KIF26B: variants seen among roughly 807,000 people sequenced by gnomAD.
KIF26B encodes kinesin-like protein KIF26B.
A neutral mutation model predicts 151.2 loss-of-function variants in KIF26B; 63 were observed. The ratio of observed to expected loss-of-function variants is 0.42; its 90% CI spans 0.34 to 0.51. The LOEUF (loss-of-function observed/expected upper bound fraction) is 0.51, where lower values mean the gene tolerates loss of function less well. KIF26B is among the 20% of genes least tolerant of loss of function. The pLI is 0.07. For synonymous variants in KIF26B, 1,357 were observed against 1,262.1 expected (o/e 1.08, Z -1.59); for missense variants, 2,813 against 2,913.6 (o/e 0.97, Z 0.79).
chr1:245,430,468 C>T (rs748842646), intron 4 of KIF26B, among the ~76,000 whole-genome samples: 1 of 151,936 alleles, frequency 6.6e-6, no homozygotes, highest in Non-Finnish European at 1.5e-5. Context: ...AGTTCAAGAC[C>T]AGCCTGGGCA....
chr1:245,314,188 T>G (rs1006714350), intron 2 of KIF26B, among the ~76,000 whole-genome samples: 1 of 152,014 alleles, frequency 6.6e-6, no homozygotes, highest in Non-Finnish European at 1.5e-5. Context: ...TGACTCACAC[T>G]TGTAATCCCA....
intron 3 of KIF26B, among the ~76,000 whole-genome samples, chr1:245,386,758 T>C (rs768870298): frequency 6.6e-6 from 1 of 152,244 alleles, no homozygotes; most frequent in Non-Finnish European, 1.5e-5. Flanking sequence ...TCACCACTTA[T>C]TTTGTCACTC....
At chr1:245,188,953 C>G (rs1403461170) in intron 2 of KIF26B, among the ~76,000 whole-genome samples, 2 of 152,278 alleles carry the variant, frequency 1.3e-5, no homozygotes, top group East Asian at 3.9e-4. Context: ...AAGCCAGTCA[C>G]AAAGGACAAA....
At chr1:245,567,645 TC>T (rs1301202074) in intron 5 of KIF26B, among the ~76,000 whole-genome samples, 2 of 152,022 alleles carry the variant, frequency 1.3e-5, no homozygotes, top group South Asian at 4.2e-4. Context: ...ACCATGCTGC[TC>T]CCCCAGTGGC....
chr1:245,358,242 A>G lies in KIF26B; in HGVS notation c.466-8592A>G, dbSNP rs184574053. 6.6e-6 allele frequency among the ~76,000 whole-genome samples: 1 copy of G among 152,310 alleles called. No homozygotes were observed. The highest frequency in any genetic ancestry group is 1.9e-4 in the East Asian group (1 of 5,176). Reference sequence around the variant, plus strand: ...TTTAAAAACAATGGCAACACCACCAAATTTTAGGTATTTAATCTTTTTGTA... The same window carrying G: ...TTTAAAAACAATGGCAACACCACCAGATTTTAGGTATTTAATCTTTTTGTA... On this transcript the variant is annotated intron_variant, in intron 2 of 14. Coordinates refer to ENST00000407071, the MANE Select transcript of KIF26B (RefSeq NM_018012.4). This position sits in a 1 kb window ranked among gnomAD's most constrained non-coding sequence, Gnocchi z 4.1.
chr1:245,446,380 AGG>A (rs1464389442), intron 4 of KIF26B, among the ~76,000 whole-genome samples: 2 of 152,190 alleles, frequency 1.3e-5, no homozygotes, highest in Admixed American at 1.3e-4. Context: ...CTTCTATACA[AGG>A]AGTTTGGATA....
In KIF26B at chr1:245,155,475, C is replaced by T. The variant is rs1668412938; in HGVS notation, c.51C>T (p.Gly17=). The change falls in exon 1 of 15, where the codon GGC becomes GGT. Residue 17 remains glycine (G), a synonymous_variant. Coordinates refer to ENST00000407071, the MANE Select transcript of KIF26B (RefSeq NM_018012.4). ...NKERLAVSTR[G]KKYGVNEVCS... ...AGAGGCTTGCGGTCTCCACCAGGGG[C>T]AAGAAATACGGGGTAAGTTGTGACG... is the stretch of plus-strand genomic sequence containing the variant. 1.2e-6 allele frequency: 2 copies of T among 1,611,390 alleles called. No homozygotes were observed. Among genetic ancestry groups the T allele is most frequent in the African/African-American group, 1.3e-5 (1 of 74,886 alleles).
At chr1:245,636,847 G>A (rs1408400908) in intron 9 of KIF26B, among the ~76,000 whole-genome samples, 1 of 144,648 alleles carries the variant, frequency 6.9e-6, no homozygotes, top group African/African-American at 2.6e-5. Context: ...TTTTATGGCT[G>A]AATAATATTC....
intron 3 of KIF26B, among the ~76,000 whole-genome samples, chr1:245,399,157 C>G (rs966647233): frequency 1.3e-5 from 2 of 152,138 alleles, no homozygotes; most frequent in Non-Finnish European, 2.9e-5. Flanking sequence ...ATTTCGTTGT[C>G]GTGTCTCTTT....
chr1:245,470,449 G>T (rs1208851385), intron 4 of KIF26B, among the ~76,000 whole-genome samples: 2 of 151,968 alleles, frequency 1.3e-5, no homozygotes, highest in Non-Finnish European at 2.9e-5. Context: ...TTTTGTTTTT[G>T]AGATGGAGTC....
intron 2 of KIF26B, among the ~76,000 whole-genome samples, chr1:245,283,715 TCTCA>T (rs1671108844): frequency 7.2e-6 from 1 of 138,308 alleles, no homozygotes; most frequent in African/African-American, 2.8e-5. Flanking sequence ...TGAGGCGGAC[TCTCA>T]CTCTGTCGCC....
intron 2 of KIF26B, among the ~76,000 whole-genome samples, chr1:245,275,686 A>G (rs1426432647): frequency 6.6e-6 from 1 of 152,072 alleles, no homozygotes; most frequent in African/African-American, 2.4e-5. Context: ...AGTGATTTAA[A>G]CACTACTGTT....
chr1:245,579,065 C>G (rs2043150741), intron 5 of KIF26B, among the ~76,000 whole-genome samples: 1 of 152,144 alleles, frequency 6.6e-6, no homozygotes, highest in Admixed American at 6.5e-5. Flanking sequence ...CTTTTCCTGT[C>G]CTGTTTCCTT....
At chr1:245,524,270 G>A (rs1661190991) in intron 4 of KIF26B, among the ~76,000 whole-genome samples, 2 of 152,118 alleles carry the variant, frequency 1.3e-5, no homozygotes, top group Admixed American at 1.3e-4. Flanking sequence ...CATACCTTAC[G>A]CCCTTTATTC....
chr1:245,263,503 C>A (rs181863617), intron 2 of KIF26B, among the ~76,000 whole-genome samples: 1 of 152,142 alleles, frequency 6.6e-6, no homozygotes, highest in African/African-American at 2.4e-5. Flanking sequence ...CAAAGAGATA[C>A]GCAGATACAT....
rs1019872541 is a variant in KIF26B, at chr1:245,540,331, T to C, written c.1167-436T>C. Among the ~76,000 whole-genome samples the C allele has an allele frequency of 2.0e-5, 3 of 152,214 alleles. No homozygotes were observed. The highest frequency in any genetic ancestry group is 4.4e-5 in the Non-Finnish European group (3 of 68,040). On this transcript the variant is annotated intron_variant, in intron 4 of 14. Transcript: ENST00000407071. The surrounding 1 kb of genome is among the most constrained non-coding windows in gnomAD (Gnocchi z 4.6). ...CATGCCTTGACTGGTCTCCACATCGTTCTTCATCAGACTGGTTTGGATTTT... is the reference window on the plus strand; with the variant it reads ...CATGCCTTGACTGGTCTCCACATCGCTCTTCATCAGACTGGTTTGGATTTT...
At chr1:245,198,281 A>G (rs1005007466) in intron 2 of KIF26B, among the ~76,000 whole-genome samples, 5 of 152,236 alleles carry the variant, frequency 3.3e-5, no homozygotes, top group African/African-American at 2.4e-5. Context: ...TTACTATGCT[A>G]TGTGCCCTCA....
intron 2 of KIF26B, among the ~76,000 whole-genome samples, chr1:245,323,928 T>C (rs1275977635): frequency 7.4e-6 from 1 of 134,780 alleles, no homozygotes; most frequent in African/African-American, 2.8e-5. Context: ...GAGGTGGAGG[T>C]GGGGTAGACC....
chr1:245,262,061 C>CACACACCAGGTG (rs368492958), intron 2 of KIF26B, among the ~76,000 whole-genome samples: 5 of 152,238 alleles, frequency 3.3e-5, no homozygotes, highest in African/African-American at 1.2e-4. Flanking sequence ...TGAGGTGTGA[C>CACACACCAGGTG]GAGCACATTA....
Sources: gnomAD v4.1 joint callset for allele counts (sites outside exome capture counted in the v4.1 genomes callset) on GRCh38, gnomAD v4.1.1 for gene constraint, Gnocchi (gnomAD v3.1) non-coding constraint, MANE v1.5 for transcripts, NCBI Gene and HGNC (gene_info 2026-07-23, HGNC 2026-07-21) for gene names.